The following FANCC variants were observed in gnomAD, a reference collection of about 807,000 sequenced individuals.
The protein encoded by FANCC is Fanconi anemia group C protein.
FANCC carries 55 observed loss-of-function variants against 71.3 expected under a neutral mutation model. That is an observed-to-expected ratio of 0.77 (90% CI 0.62 to 0.97). FANCC has a LOEUF of 0.97. Ranked by LOEUF, FANCC falls within the 50% of genes least tolerant of loss-of-function variation. The probability of loss-of-function intolerance (pLI) is 0.00; values close to 1 mark genes in which losing one functional copy is unlikely to be tolerated. For synonymous variants in FANCC, 275 were observed against 244.9 expected, an observed-to-expected ratio of 1.12 and a Z score of -1.15; for missense variants, 678 against 670.9, an observed-to-expected ratio of 1.01 and a Z score of -0.12.
In FANCC at chr9:95,149,820, C is replaced by T. The variant is rs1415643733; in HGVS notation, c.686+103G>A. 4 of 1,342,996 alleles carry T rather than the reference C, an allele frequency of 3.0e-6. No individual in the cohort carries two copies. The Admixed American group carries it at 7.9e-5, about 27-fold the overall frequency. The allele number at this position is 1,342,996 out of a possible 1,614,324, so 83.2% of individuals were successfully genotyped here. The stretch of plus-strand genomic sequence containing the variant: ...TTTAAGAGTATAAAGGGTACTGAGA[C>T]AAAAACGTTTGGACACTGCTGTCGT... On this transcript the variant is annotated intron_variant, in intron 7 of 14. Coordinates refer to ENST00000289081, the MANE Select transcript of FANCC (RefSeq NM_000136.3).
intron 4 of FANCC, among the ~76,000 whole-genome samples, chr9:95,208,648 C>T (rs557964029): frequency 1.3e-5 from 2 of 152,262 alleles, no homozygotes; most frequent in South Asian, 2.1e-4. Flanking sequence ...AGATGCTGCA[C>T]ATTATATGTC....
rs531605962 is a variant in FANCC, at chr9:95,101,678, G to A, written c.*29C>T. The stretch of plus-strand genomic sequence containing the variant: ...GGCCCTGGCGAGCCTGATCCCTCAC[G>A]CCGGGCACCCACACGGCCTGCGTGC... On this transcript the variant is annotated 3_prime_UTR_variant, in exon 15 of 15. Transcript: ENST00000289081. 1.3e-5 allele frequency: 21 copies of A among 1,612,382 alleles called. No individual in the cohort carries two copies. Among genetic ancestry groups the A allele is most frequent in the South Asian group, 9.9e-5 (9 of 90,968 alleles).
chr9:95,156,415 T>G (rs1426339076), intron 6 of FANCC, among the ~76,000 whole-genome samples: 1 of 152,200 alleles, frequency 6.6e-6, no homozygotes, highest in Non-Finnish European at 1.5e-5. Flanking sequence ...TACTGAATGA[T>G]GTTTAGAATC....
At chr9:95,150,169 G>A in intron 6 of FANCC, 82 bp from the exon 7 acceptor site, 14 of 1,469,740 alleles carry the variant, frequency 9.5e-6, no homozygotes, top group Non-Finnish European at 1.3e-5. Context: ...ATGCTAAAAA[G>A]GTCAAAGACA....
intron 12 of FANCC, 146 bp from the exon 13 acceptor site, chr9:95,111,783 C>G: frequency 1.0e-6 from 1 of 965,578 alleles, no homozygotes; most frequent in African/African-American, 1.6e-5. Context: ...AATTTAGATT[C>G]AGAAAGCCTG....
chr9:95,232,411 C>A (rs938867764), intron 4 of FANCC, among the ~76,000 whole-genome samples: 2 of 152,126 alleles, frequency 1.3e-5, no homozygotes, highest in Non-Finnish European at 2.9e-5. Context: ...TTAACTGAGG[C>A]TGGGAAGAAG....
chr9:95,257,775 A>G (rs1253982249), intron 1 of FANCC, among the ~76,000 whole-genome samples: 3 of 152,228 alleles, frequency 2.0e-5, no homozygotes, highest in Non-Finnish European at 2.9e-5. Context: ...CAAAATAGAT[A>G]GACCGCTAGT....
In FANCC at chr9:95,218,955, GTGCT is replaced by G. The variant is rs755949902; in HGVS notation, c.345+21690_345+21693del. Among the ~76,000 whole-genome samples, 14 of 152,350 alleles carry G rather than the reference GTGCT, an allele frequency of 9.2e-5. No individual in the cohort carries two copies. In the South Asian group the frequency reaches 2.9e-3, roughly 32 times the overall value. On this transcript the variant is annotated intron_variant, in intron 4 of 14. Transcript: ENST00000289081. The stretch of plus-strand genomic sequence containing the variant: ...TGAAAACGATAGGAAATGTCATGCT[GTGCT>G]TGCTTGCACTTGCCCTAGCCTTTCC...
In FANCC at chr9:95,247,427, C is replaced by T; in HGVS notation, c.250+5G>A. ...ATTTTGAGAGGACACGTTTTTGATT[C>T]TTACCATATGCTAAAATAAAAGGAT... is the stretch of plus-strand genomic sequence containing the variant. On this transcript the variant is annotated splice_donor_5th_base_variant and intron_variant, in intron 3 of 14. Coordinates refer to ENST00000289081, the MANE Select transcript of FANCC (RefSeq NM_000136.3). 1 of 1,608,422 alleles carries T rather than the reference C, an allele frequency of 6.2e-7. No individual in the cohort carries two copies. Among genetic ancestry groups the T allele is most frequent in the South Asian group, 1.1e-5 (1 of 90,972 alleles).
At chr9:95,158,218 T>C (rs767291158) in intron 6 of FANCC, among the ~76,000 whole-genome samples, 14 of 152,168 alleles carry the variant, frequency 9.2e-5, no homozygotes, top group Non-Finnish European at 1.6e-4. Flanking sequence ...CACATACCTC[T>C]TCCTCTACCA....
chr9:95,160,332 G>A (rs1289395148), intron 6 of FANCC, among the ~76,000 whole-genome samples: 1 of 152,096 alleles, frequency 6.6e-6, no homozygotes, highest in African/African-American at 2.4e-5. Context: ...AAGATTGGAT[G>A]GCTGTAGATG....
intron 12 of FANCC, among the ~76,000 whole-genome samples, chr9:95,112,774 A>G (rs1259811239): frequency 1.3e-5 from 2 of 152,216 alleles, no homozygotes; most frequent in Non-Finnish European, 2.9e-5. Flanking sequence ...TGAATGCACA[A>G]GCAGTCCCAT....
At chr9:95,273,599 C>T (rs1832860371) in intron 1 of FANCC, among the ~76,000 whole-genome samples, 1 of 152,226 alleles carries the variant, frequency 6.6e-6, no homozygotes. Context: ...GCTGTCTCTG[C>T]TGTCTGTGGC....
At chr9:95,112,140 T>C (rs866977462) in intron 12 of FANCC, among the ~76,000 whole-genome samples, 1 of 152,220 alleles carries the variant, frequency 6.6e-6, no homozygotes, top group African/African-American at 2.4e-5. Context: ...AAAGTTGAAG[T>C]GTTTGTGAAG....
At chr9:95,311,105 G>A (rs930010118) in intron 1 of FANCC, among the ~76,000 whole-genome samples, 2 of 151,920 alleles carry the variant, frequency 1.3e-5, no homozygotes, top group African/African-American at 2.4e-5. Context: ...TTAGCTGGGC[G>A]TGGTGGTGGG....
chr9:95,106,990 G>C (rs1479333160), intron 14 of FANCC, 76 bp downstream of exon 14: 1 of 1,432,070 alleles, frequency 7.0e-7, no homozygotes, highest in African/African-American at 1.4e-5. Flanking sequence ...GCAGAGGCCA[G>C]ACCCTCGGAC....
chr9:95,243,241 C>T (rs554319944), intron 3 of FANCC, among the ~76,000 whole-genome samples: 1 of 152,224 alleles, frequency 6.6e-6, no homozygotes, highest in Admixed American at 6.5e-5. Flanking sequence ...ATCGTGAGGG[C>T]AGAGTTAGAA....
rs1588350373 is a variant in FANCC, at chr9:95,247,494, C to G, written c.188G>C (p.Arg63Thr). Residue 63 changes from arginine to threonine, a missense_variant, in exon 3 of 15, where the codon AGA becomes ACA. Transcript: ENST00000289081. ...CAACAGTTGACCAATTGTGGGGAAT[C>G]TTTCAATGACTGTATTAGAATCCTG... ...KEMDSNTVIE[R>T]FPTIGQLLAK... 5.6e-6 allele frequency: 9 copies of G among 1,613,372 alleles called. No homozygotes were observed. Among genetic ancestry groups the G allele is most frequent in the Non-Finnish European group, 7.6e-6 (9 of 1,179,522 alleles).
chr9:95,221,013 C>T (rs897281932), intron 4 of FANCC, among the ~76,000 whole-genome samples: 19 of 151,962 alleles, frequency 1.3e-4, no homozygotes, highest in African/African-American at 4.6e-4. Flanking sequence ...GGGCAGATCA[C>T]GAGGTCAAGA....
Sources: gnomAD v4.1 joint callset for allele counts (sites outside exome capture counted in the v4.1 genomes callset) on GRCh38, gnomAD v4.1.1 for gene constraint, MANE v1.5 for transcripts, NCBI Gene and HGNC (gene_info 2026-07-23, HGNC 2026-07-21) for gene names.